Variants in GON4L observed in about 807,000 individuals in gnomAD.
The protein encoded by GON4L is GON-4-like protein.
In GON4L, 87 loss-of-function variants were observed where a neutral mutation model predicts 211.8. That is an observed-to-expected ratio of 0.41 (90% CI 0.35 to 0.49). GON4L has a LOEUF of 0.49. Among genes scored for constraint, GON4L ranks in the 20% least tolerant of loss-of-function variants. GON4L has a pLI of 0.15. For synonymous variants in GON4L, 875 were observed against 962.6 expected (o/e 0.91, Z 1.68); for missense variants, 2,155 against 2,659.5 (o/e 0.81, Z 4.17).
chr1:155,820,897 TC>T (rs1668671160), intron 5 of GON4L, among the ~76,000 whole-genome samples: 1 of 152,140 alleles, frequency 6.6e-6, no homozygotes, highest in Admixed American at 6.6e-5. Context: ...ACTGGGAGGA[TC>T]GCTGAGTCCA....
intron 15 of GON4L, among the ~76,000 whole-genome samples, chr1:155,777,320 C>T (rs904413706): frequency 6.6e-6 from 1 of 152,196 alleles, no homozygotes; most frequent in Non-Finnish European, 1.5e-5. Context: ...GTGGCTCACG[C>T]CTGTAATCCC....
chr1:155,773,087 A>G lies in GON4L; in HGVS notation c.2474T>C (p.Val825Ala). 6.2e-7 allele frequency: 1 copy of G among 1,612,382 alleles called. No homozygotes were observed. Residue 825 changes from valine (V) to alanine (A), a missense_variant, in exon 18 of 32, where the codon GTC (valine) becomes GCC (alanine). Around this residue, in one of 6 missense-constraint regions of GON4L, gnomAD observed 551 missense variants for 854.0 expected, o/e 0.65. Transcript: ENST00000368331. ...TTACTTGTCCTCAGCCTTGGTGAAGACGATCTTATCCTGGGGATTCTTTGC... is the reference window on the plus strand; with the variant it reads ...TTACTTGTCCTCAGCCTTGGTGAAGGCGATCTTATCCTGGGGATTCTTTGC... ...LKAKNPQDKIVFTKAEDNLLA... is the reference protein window; with the variant it reads ...LKAKNPQDKIAFTKAEDNLLA...
chr1:155,772,223 G>T (rs753641278), intron 18 of GON4L, among the ~76,000 whole-genome samples: 1 of 151,932 alleles, frequency 6.6e-6, no homozygotes, highest in African/African-American at 2.4e-5. Flanking sequence ...ATTAATAAAC[G>T]TGAGATCATG....
chr1:155,748,187 G>A (rs1660331471), downstream of GON4L: 1 of 1,474,214 alleles, frequency 6.8e-7, no homozygotes. Context: ...CATGCTCCCA[G>A]TCAGTCGCTG....
At chr1:155,780,167 A>G (rs1664273993) in intron 14 of GON4L, among the ~76,000 whole-genome samples, 1 of 152,192 alleles carries the variant, frequency 6.6e-6, no homozygotes, top group Admixed American at 6.5e-5. Context: ...ATTTGAACCA[A>G]CCACTCAGTT....
Position 155,815,832 on chromosome 1 carries a change from A to C in GON4L, c.1134T>G (p.Asp378Glu). The change falls in exon 8 of 32, where the codon GAT (aspartate) becomes GAG (glutamate). Residue 378 changes from aspartate (D) to glutamate (E), a missense_variant. Coordinates refer to ENST00000368331, the MANE Select transcript of GON4L (RefSeq NM_001282860.2). The part of the protein sequence containing the change: ...DSSDEEYQPD[D>E]EEEDETAEES... ...CTTCAGCAGTTTCATCTTCTTCTTCATCATCCGGCTGGTATTCTTCATCTG... is the reference window on the plus strand; with the variant it reads ...CTTCAGCAGTTTCATCTTCTTCTTCCTCATCCGGCTGGTATTCTTCATCTG... 6.2e-7 allele frequency: 1 copy of C among 1,606,366 alleles called. No individual in the cohort carries two copies. The highest frequency in any genetic ancestry group is 8.5e-7 in the Non-Finnish European group (1 of 1,173,030).
intron 2 of GON4L, among the ~76,000 whole-genome samples, chr1:155,851,290 C>T (rs948418166): frequency 1.4e-5 from 2 of 148,122 alleles, no homozygotes; most frequent in Admixed American, 6.8e-5. Flanking sequence ...GGAGGCAGAG[C>T]TTGCAGTGAG....
At chr1:155,773,422 T>G (rs1338136256) in intron 17 of GON4L, 2 of 582,502 alleles carry the variant, frequency 3.4e-6, no homozygotes, top group Non-Finnish European at 3.0e-6. Flanking sequence ...AAAAGTTGAC[T>G]CATTCTTTCT....
chr1:155,856,386 C>G (rs1431303702), intron 1 of GON4L, among the ~76,000 whole-genome samples: 3 of 151,756 alleles, frequency 2.0e-5, no homozygotes, highest in African/African-American at 4.9e-5. Context: ...TTGCCACCAC[C>G]CTCAACGACT....
In GON4L at chr1:155,752,131, A is replaced by G. The variant is rs1571605863; in HGVS notation, c.6302T>C (p.Ile2101Thr). 6.2e-7 allele frequency: 1 copy of G among 1,613,348 alleles called. No individual in the cohort carries two copies. Among genetic ancestry groups the G allele is most frequent in the Non-Finnish European group, 8.5e-7 (1 of 1,179,444 alleles). ...TTTGGGAGAAGTCTCTGAGGTGTCA[A>G]TTCCTGATGGAGATTCATGGACAGG... is the stretch of plus-strand genomic sequence containing the variant. ...TCPVHESPSG[I>T]DTSETSPKAP... Residue 2101 changes from isoleucine (I) to threonine (T), a missense_variant, in exon 30 of 32, where the codon ATT becomes ACT. Coordinates refer to ENST00000368331, the MANE Select transcript of GON4L (RefSeq NM_001282860.2).
rs1661884361 is a variant in GON4L at position 155,762,200 on chromosome 1, T to A, written c.4901A>T (p.Tyr1634Phe). Residue 1634 changes from tyrosine (Y) to phenylalanine (F), a missense_variant, in exon 23 of 32, where the codon TAT becomes TTT. Physicochemically the swap from Tyr to Phe is conservative, Grantham distance 22. Around this residue, in one of 6 missense-constraint regions of GON4L, gnomAD observed 455 missense variants for 504.6 expected, o/e 0.90. Transcript: ENST00000368331. ...EQKDLAFAQA[Y>F]LTRVREALQH... is the part of the protein sequence containing the mutation. ...GCAGCATTTGCCTACCCTGGTCAGA[T>A]AAGCTTGGGCAAAGGCCAAGTCCTT... 1 of 1,606,608 alleles carries A rather than the reference T, an allele frequency of 6.2e-7. No individual in the cohort carries two copies. Among genetic ancestry groups the A allele is most frequent in the Non-Finnish European group, 8.5e-7 (1 of 1,176,598 alleles).
intron 11 of GON4L, among the ~76,000 whole-genome samples, chr1:155,798,600 T>TA (rs1666323977): frequency 6.8e-6 from 1 of 147,970 alleles, no homozygotes; most frequent in East Asian, 2.0e-4. Context: ...TTTTTTTTTT[T>TA]AGTAGAGACG....
chr1:155,803,091 T>C (rs1666824203), intron 11 of GON4L, among the ~76,000 whole-genome samples: 1 of 152,198 alleles, frequency 6.6e-6, no homozygotes. Flanking sequence ...ATGCCTTGTA[T>C]AAAGAAAGTA....
chr1:155,757,069 G>A lies in GON4L; in HGVS notation c.5406C>T (p.Gly1802=), dbSNP rs778407910. Reference sequence around the variant, plus strand: ...CATCAGGCAGGGCCACTTCTTCAAAGCCATCAAACTGAGAAGGAGTTGGTG... The same window carrying A: ...CATCAGGCAGGGCCACTTCTTCAAAACCATCAAACTGAGAAGGAGTTGGTG... ...WTEEKEYEFD[G]FEEVALPDVE... The change falls in exon 27 of 32, where the codon GGC becomes GGT. Residue 1802 remains glycine (G), a synonymous_variant. Transcript: ENST00000368331. The A allele has an allele frequency of 1.1e-5, 17 of 1,613,750 alleles. No homozygotes were observed.
chr1:155,752,334 C>A lies in GON4L; in HGVS notation c.6099G>T (p.Trp2033Cys), dbSNP rs1459098444. The A allele has an allele frequency of 1.3e-6, 2 of 1,596,574 alleles. No individual in the cohort carries two copies. The highest frequency in any genetic ancestry group is 1.7e-6 in the Non-Finnish European group (2 of 1,165,740). The change falls in exon 30 of 32, where the codon TGG becomes TGT. Residue 2033 changes from tryptophan (W) to cysteine (C), a missense_variant. Around this residue, in one of 6 missense-constraint regions of GON4L, gnomAD observed 186 missense variants for 308.1 expected, o/e 0.60. Transcript: ENST00000368331. ...GCAATTTCTCAGTTTCTGATGCATC[C>A]CAGACCAGCATCAAAGCCTCTGACT... is the stretch of plus-strand genomic sequence containing the variant. ...VSESEALMLV[W>C]DASETEKLPG...
chr1:155,821,603 A>T (rs1668750385), intron 4 of GON4L, 55 bp from the exon 5 acceptor site: 2 of 971,152 alleles, frequency 2.1e-6, no homozygotes, highest in South Asian at 2.6e-5. Flanking sequence ...CCTAGACAAT[A>T]CTCATCTCTC....
rs555057181 is a variant in GON4L at position 155,826,019 on chromosome 1, C to T, written c.697+818G>A. Among the ~76,000 whole-genome samples, 13 of 151,952 alleles carry T rather than the reference C, an allele frequency of 8.6e-5. 1 individual carries two copies. The South Asian group carries it at 2.7e-3, about 32-fold the overall frequency. ...GATCAAGCCATTGCATTCCAGCAGC[C>T]TGGGCAACAAAGCAAGACTGTGTCT... On this transcript the variant is annotated intron_variant, in intron 3 of 31. Coordinates refer to ENST00000368331, the MANE Select transcript of GON4L (RefSeq NM_001282860.2).
chr1:155,760,304 G>A (rs1661657303), intron 24 of GON4L, 140 bp downstream of exon 24: 1 of 543,346 alleles, frequency 1.8e-6, no homozygotes, highest in Admixed American at 3.3e-5. Flanking sequence ...AAAGACAGAG[G>A]CTTTTATCAC....
chr1:155,845,494 G>A (rs1671149534), intron 2 of GON4L: 2 of 342,090 alleles, frequency 5.8e-6, no homozygotes, highest in Admixed American at 3.4e-5. Flanking sequence ...ATGTGCTTTT[G>A]CGGTCATGGC....
Sources: allele counts gnomAD v4.1 joint callset (sites outside exome capture counted in the v4.1 genomes callset), GRCh38; gene constraint gnomAD v4.1.1; regional missense constraint gnomAD v4.1.1; transcripts MANE v1.5; gene names NCBI Gene and HGNC (gene_info 2026-07-23, HGNC 2026-07-21).